Variants in SIN3B observed in about 807,000 individuals in gnomAD.
SIN3B encodes the protein paired amphipathic helix protein Sin3b.
In SIN3B, 19 loss-of-function variants were observed where a neutral mutation model predicts 120.2. The observed-to-expected ratio is 0.16, with a 90% CI of 0.11 to 0.23. The LOEUF (loss-of-function observed/expected upper bound fraction) is 0.23, where lower values mean the gene tolerates loss of function less well. Among genes scored for constraint, SIN3B ranks in the 10% least tolerant of loss-of-function variants. SIN3B has a pLI of 1.00. For synonymous variants in SIN3B, 654 were observed against 653.2 expected (o/e 1.00, Z -0.02); for missense variants, 1,073 against 1,573.0 (o/e 0.68, Z 5.38).
In SIN3B at chr19:16,869,595, CAGA is replaced by C. The variant is rs1446295175; in HGVS notation, c.1945_1947del (p.Lys649del). 3 of 1,613,462 alleles carry C rather than the reference CAGA, an allele frequency of 1.9e-6. No homozygotes were observed. In the African/African-American group the frequency reaches 4.0e-5, roughly 22 times the overall value. On this transcript the variant is annotated inframe_deletion, in exon 13 of 19. Transcript: ENST00000248054. ...CTACGTGAAGCGGCAGCCGGCCATCCAGAAGGAGGACCAGGGCACCATCCACCA... is the reference window on the plus strand; with the variant it reads ...CTACGTGAAGCGGCAGCCGGCCATCCAGGAGGACCAGGGCACCATCCACCA...
At chr19:16,867,831 AC>A (rs375888016) in intron 12 of SIN3B, among the ~76,000 whole-genome samples, 22 of 152,062 alleles carry the variant, frequency 1.4e-4, no homozygotes, top group African/African-American at 5.3e-4. Context: ...CCCACCCACA[AC>A]CACTCTGGCT....
At chr19:16,836,070 T>C (rs1568412151) in intron 3 of SIN3B, among the ~76,000 whole-genome samples, 1 of 152,160 alleles carries the variant, frequency 6.6e-6, no homozygotes, top group Non-Finnish European at 1.5e-5. Context: ...GGAAGGTGAA[T>C]AAGAGAGTCC....
rs2051673517 is a variant in SIN3B, at chr19:16,880,021, C to G, written c.*1294C>G. ...CAGGCTGGGCGATTCCGATGCTGAC[C>G]CGTCCTCCTGGGCTCCCCACCCCCG... On this transcript the variant is annotated 3_prime_UTR_variant, in exon 19 of 19. Transcript: ENST00000248054. 1 of 152,350 alleles carries G rather than the reference C, an allele frequency of 6.6e-6. No homozygotes were observed. The highest frequency in any genetic ancestry group is 1.5e-5 in the Non-Finnish European group (1 of 68,128). The allele number at this position is 152,350 out of a possible 1,614,324, so 9.4% of individuals were successfully genotyped here.
chr19:16,868,794 T>C (rs1971814132), intron 12 of SIN3B, among the ~76,000 whole-genome samples: 1 of 150,762 alleles, frequency 6.6e-6, no homozygotes, highest in Admixed American at 6.6e-5. Flanking sequence ...TGGAGCAGGC[T>C]GGTGGGAGCT....
intron 14 of SIN3B, 128 bp from the exon 15 acceptor site, chr19:16,875,927 C>T: frequency 8.7e-7 from 1 of 1,150,148 alleles, no homozygotes; most frequent in Non-Finnish European, 1.2e-6. Flanking sequence ...GGATTCTGGT[C>T]TCTTCATCCC....
chr19:16,858,720 C>T (rs774056580), intron 8 of SIN3B, among the ~76,000 whole-genome samples: 5 of 151,916 alleles, frequency 3.3e-5, no homozygotes, highest in Non-Finnish European at 7.4e-5. Context: ...GAGGCTGAGG[C>T]GGGTGGATCA....
At chr19:16,866,783 G>A (rs926583232) in intron 12 of SIN3B, among the ~76,000 whole-genome samples, 2 of 152,224 alleles carry the variant, frequency 1.3e-5, no homozygotes, top group Non-Finnish European at 2.9e-5. Flanking sequence ...TGGAGACAGA[G>A]TCTCGCTGTG....
At chr19:16,866,706 G>C in intron 12 of SIN3B, 150 bp downstream of exon 12, 2 of 723,952 alleles carry the variant, frequency 2.8e-6, no homozygotes, top group Non-Finnish European at 4.5e-6. Flanking sequence ...ATGTCTCTGT[G>C]ATGCCCAGCC....
intron 12 of SIN3B, among the ~76,000 whole-genome samples, chr19:16,867,600 C>T (rs73523451): frequency 0.011 from 1,635 of 152,312 alleles, 24 homozygotes; most frequent in African/African-American, 0.035. Flanking sequence ...GCACGGGCTG[C>T]GTTATCAGCC....
In SIN3B at chr19:16,869,600, G is replaced by C; in HGVS notation, c.1947G>C (p.Lys649Asn). The part of the protein sequence containing the change: ...YYVKRQPAIQ[K>N]EDQGTIHQLL... ...TGAAGCGGCAGCCGGCCATCCAGAA[G>C]GAGGACCAGGGCACCATCCACCAGC... The change falls in exon 13 of 19, where the codon AAG (lysine) becomes AAC (asparagine). Residue 649 changes from lysine (K) to asparagine (N), a missense_variant. Lys to Asn is a moderately conservative substitution (Grantham distance 94). Around this residue, in one of 7 missense-constraint regions of SIN3B, gnomAD observed 169 missense variants for 207.3 expected, o/e 0.82. Transcript: ENST00000248054. The C allele has an allele frequency of 1.2e-6, 2 of 1,613,438 alleles. No individual in the cohort carries two copies. The highest frequency in any genetic ancestry group is 4.5e-5 in the East Asian group (2 of 44,896).
intron 6 of SIN3B, 133 bp downstream of exon 6, chr19:16,851,667 G>T: frequency 8.6e-7 from 1 of 1,162,094 alleles, no homozygotes. Context: ...GAGGTTCACC[G>T]GCAGTGGGAC....
intron 9 of SIN3B, 105 bp from the exon 10 acceptor site, chr19:16,863,575 G>T: frequency 1.3e-6 from 1 of 762,592 alleles, no homozygotes; most frequent in South Asian, 1.4e-5. Context: ...TTGGTATTAT[G>T]TATCAGGATG....
At position 16,831,526 on chromosome 19, in the gene SIN3B, C is replaced by T. The variant is rs764678519; in HGVS notation, c.260C>T (p.Ser87Leu). The T allele has an allele frequency of 1.9e-6, 3 of 1,614,098 alleles. No homozygotes were observed. Among genetic ancestry groups the T allele is most frequent in the Non-Finnish European group, 2.5e-6 (3 of 1,179,976 alleles). ...IDTPGVIRRV[S>L]QLFHEHPDLI... ...ACTCCTGGAGTCATCAGACGTGTCT[C>T]GCAGCTCTTCCACGAGCACCCTGAC... The change falls in exon 3 of 19, where the codon TCG (serine) becomes TTG (leucine). Residue 87 changes from serine to leucine, a missense_variant. Ser to Leu is a moderately radical substitution (Grantham distance 145). This residue lies in a region of SIN3B where 395 missense variants were observed against 528.0 expected (regional missense o/e 0.75). Coordinates refer to ENST00000248054, the MANE Select transcript of SIN3B (RefSeq NM_001297595.2).
intron 3 of SIN3B, among the ~76,000 whole-genome samples, chr19:16,841,348 C>T (rs372630035): frequency 8.1e-4 from 123 of 152,158 alleles, no homozygotes; most frequent in Admixed American, 1.9e-3. Context: ...CCTACCTTGG[C>T]ATCACTGCTG....
chr19:16,865,576 GC>G lies in SIN3B; in HGVS notation c.1551del (p.Asp518ThrfsTer22). The stretch of plus-strand genomic sequence containing the variant: ...CGCCGTGCCATTTATCGCATCTATG[GC>G]GACAAGGCCCCGGAGATCATCGAGA... Reference protein sequence around the residue: ...IQRRAIYRIYGDKAPEIIESL... With the variant: ...IQRRAIYRIYXDKAPEIIESL... On this transcript the variant is annotated frameshift_variant, in exon 11 of 19. Coordinates refer to ENST00000248054, the MANE Select transcript of SIN3B (RefSeq NM_001297595.2). LOFTEE classifies it high-confidence loss of function. 1 of 1,613,436 alleles carries G rather than the reference GC, an allele frequency of 6.2e-7. No individual in the cohort carries two copies. Among genetic ancestry groups the G allele is most frequent in the Non-Finnish European group, 8.5e-7 (1 of 1,179,662 alleles).
chr19:16,834,238 A>C (rs66826611), intron 3 of SIN3B, among the ~76,000 whole-genome samples: 12,622 of 152,302 alleles, frequency 0.083, 619 homozygotes, highest in Middle Eastern at 0.13. Context: ...AGCACTTTGC[A>C]GAGCCTGAAT....
intron 2 of SIN3B, among the ~76,000 whole-genome samples, chr19:16,830,849 T>C (rs963924468): frequency 2.0e-5 from 3 of 152,242 alleles, no homozygotes; most frequent in Non-Finnish European, 2.9e-5. Flanking sequence ...GTTTTCACAT[T>C]GCTTAGAGGA....
At position 16,829,895 on chromosome 19, in the gene SIN3B, G is replaced by C; in HGVS notation, c.225G>C (p.Gln75His). Residue 75 changes from glutamine to histidine, a missense_variant and splice_region_variant, in exon 2 of 19, where the codon CAG becomes CAC. Around this residue, in one of 7 missense-constraint regions of SIN3B, gnomAD observed 395 missense variants for 528.0 expected, o/e 0.75. Coordinates refer to ENST00000248054, the MANE Select transcript of SIN3B (RefSeq NM_001297595.2). ...AGATCATGAAGGAGTTCAAAAGCCA[G>C]AGGTACCAGCGGGGCCCCTCTCCAC... ...FLEIMKEFKS[Q>H]SIDTPGVIRR... is the part of the protein sequence containing the mutation. The C allele has an allele frequency of 6.2e-7, 1 of 1,612,290 alleles. No individual in the cohort carries two copies. Among genetic ancestry groups the C allele is most frequent in the Non-Finnish European group, 8.5e-7 (1 of 1,178,586 alleles).
At chr19:16,860,967 C>A (rs975329120) in intron 8 of SIN3B, among the ~76,000 whole-genome samples, 7 of 152,112 alleles carry the variant, frequency 4.6e-5, no homozygotes, top group Non-Finnish European at 1.0e-4. Context: ...CCAGGCTGGT[C>A]TCAAACTCTT....
Sources: gnomAD v4.1 joint callset for allele counts (sites outside exome capture counted in the v4.1 genomes callset) on GRCh38, gnomAD v4.1.1 for gene constraint, gnomAD v4.1.1 regional missense constraint, MANE v1.5 for transcripts, NCBI Gene and HGNC (gene_info 2026-07-23, HGNC 2026-07-21) for gene names.